LHFPL3: variants seen among roughly 807,000 people sequenced by gnomAD.
LHFPL3 encodes LHFPL tetraspan subfamily member 3 protein.
A neutral mutation model predicts 19.3 loss-of-function variants in LHFPL3; 5 were observed. The observed-to-expected ratio is 0.26, with a 90% CI of 0.14 to 0.54. The LOEUF (loss-of-function observed/expected upper bound fraction) is 0.54, where lower values mean the gene tolerates loss of function less well. Among genes scored for constraint, LHFPL3 ranks in the 20% least tolerant of loss-of-function variants. The pLI, the probability that LHFPL3 is intolerant of heterozygous loss-of-function variation, is 0.94. For synonymous variants in LHFPL3, 133 were observed against 126.2 expected (o/e 1.05, Z -0.36); for missense variants, 249 against 307.4 (o/e 0.81, Z 1.42).
chr7:104,673,984 C>A (rs1232879235), intron 1 of LHFPL3, among the ~76,000 whole-genome samples: 3 of 147,226 alleles, frequency 2.0e-5, no homozygotes, highest in Non-Finnish European at 4.5e-5. Context: ...ATGTTCAGAC[C>A]CTTGGTGAAA....
chr7:104,814,980 G>A (rs1463736709), intron 2 of LHFPL3, among the ~76,000 whole-genome samples: 1 of 152,150 alleles, frequency 6.6e-6, no homozygotes, highest in Non-Finnish European at 1.5e-5. Flanking sequence ...TGCAGTTTGG[G>A]GCAGCTGCAG....
At chr7:104,870,907 C>G (rs1000338606) in intron 2 of LHFPL3, among the ~76,000 whole-genome samples, 1 of 152,130 alleles carries the variant, frequency 6.6e-6, no homozygotes, top group African/African-American at 2.4e-5. Flanking sequence ...ACCTCTCATC[C>G]TCACCTAAGC....
intron 1 of LHFPL3, among the ~76,000 whole-genome samples, chr7:104,465,088 G>C (rs537245750): frequency 6.6e-6 from 1 of 152,252 alleles, no homozygotes; most frequent in African/African-American, 2.4e-5. Flanking sequence ...GGGGCAAAAT[G>C]CCACCAGTCT....
At chr7:104,563,404 G>C (rs201756532) in intron 1 of LHFPL3, among the ~76,000 whole-genome samples, 1 of 152,236 alleles carries the variant, frequency 6.6e-6, no homozygotes, top group African/African-American at 2.4e-5. Flanking sequence ...TTTTAAGCCC[G>C]TCGGAAAAGC....
At chr7:104,402,088 T>TAAAAAAAAAAA in intron 1 of LHFPL3, among the ~76,000 whole-genome samples, 1 of 132,366 alleles carries the variant, frequency 7.6e-6, no homozygotes, top group South Asian at 2.5e-4. Flanking sequence ...CCGTATAAAC[T>TAAAAAAAAAAA]AAAAAAAAAA....
intron 2 of LHFPL3, among the ~76,000 whole-genome samples, chr7:104,740,443 T>C (rs1174300398): frequency 1.3e-5 from 2 of 152,256 alleles, no homozygotes; most frequent in African/African-American, 4.8e-5. Context: ...TTGTAATTAA[T>C]GCAGCAACAC....
chr7:104,887,625 G>A (rs1584599080), intron 2 of LHFPL3, among the ~76,000 whole-genome samples: 1 of 152,200 alleles, frequency 6.6e-6, no homozygotes, highest in Non-Finnish European at 1.5e-5. Context: ...GCAAAAAGAC[G>A]CAGAGGCTGG....
intron 1 of LHFPL3, among the ~76,000 whole-genome samples, chr7:104,441,932 C>T (rs559944463): frequency 1.3e-5 from 2 of 152,208 alleles, no homozygotes; most frequent in Admixed American, 6.5e-5. Flanking sequence ...CTGGAACATA[C>T]GTCAGTTATA....
intron 2 of LHFPL3, among the ~76,000 whole-genome samples, chr7:104,821,202 G>GT (rs762408336): frequency 6.6e-6 from 1 of 152,170 alleles, no homozygotes; most frequent in Non-Finnish European, 1.5e-5. Context: ...TATTTCATGG[G>GT]TTTTCACAAG....
intron 1 of LHFPL3, among the ~76,000 whole-genome samples, chr7:104,397,512 A>AC (rs549927178): frequency 3.3e-5 from 5 of 152,120 alleles, no homozygotes; most frequent in Non-Finnish European, 5.9e-5. Context: ...GAAACATGTA[A>AC]CTGTTGGTCA....
chr7:104,360,182 G>A (rs188142871), intron 1 of LHFPL3, among the ~76,000 whole-genome samples: 4 of 152,322 alleles, frequency 2.6e-5, no homozygotes, highest in East Asian at 1.9e-4. Flanking sequence ...GGGAAGCCAC[G>A]CAGTAGGAAG....
At chr7:104,829,514 T>C (rs532104524) in intron 2 of LHFPL3, among the ~76,000 whole-genome samples, 3 of 151,690 alleles carry the variant, frequency 2.0e-5, no homozygotes, top group African/African-American at 7.3e-5. Flanking sequence ...CGGAGTGTGA[T>C]GTTCCCCTTC....
intron 2 of LHFPL3, among the ~76,000 whole-genome samples, chr7:104,841,801 G>C (rs1183670140): frequency 1.3e-5 from 2 of 152,022 alleles, no homozygotes; most frequent in Non-Finnish European, 1.5e-5. Flanking sequence ...AGAGAGTAGG[G>C]CATGTTATAC....
intron 1 of LHFPL3, chr7:104,667,685 C>A: frequency 8.5e-7 from 1 of 1,177,128 alleles, no homozygotes. Context: ...TGCCATTATA[C>A]ATGCAATTTA....
chr7:104,361,452 G>T (rs1286433822), intron 1 of LHFPL3, among the ~76,000 whole-genome samples: 1 of 152,174 alleles, frequency 6.6e-6, no homozygotes, highest in Non-Finnish European at 1.5e-5. Context: ...TTTTGGTAAA[G>T]AAGCTTTAAT....
chr7:104,455,116 A>G (rs1792514857), intron 1 of LHFPL3, among the ~76,000 whole-genome samples: 1 of 152,160 alleles, frequency 6.6e-6, no homozygotes, highest in Admixed American at 6.5e-5. Context: ...ATGGATTGCA[A>G]CTTTTCACTT....
intron 1 of LHFPL3, among the ~76,000 whole-genome samples, chr7:104,608,063 T>A (rs947294200): frequency 1.3e-5 from 2 of 152,154 alleles, no homozygotes; most frequent in African/African-American, 4.8e-5. Context: ...GTAAACTAGT[T>A]CAACCATTGT....
intron 1 of LHFPL3, among the ~76,000 whole-genome samples, chr7:104,651,658 T>A (rs1225406260): frequency 6.6e-6 from 1 of 152,236 alleles, no homozygotes; most frequent in Admixed American, 6.5e-5. Flanking sequence ...TTGAGCCAGG[T>A]ATTCTCACTT....
rs891946918 is a variant in LHFPL3, at chr7:104,476,236, C to G, written c.445+147012C>G. Among the ~76,000 whole-genome samples, 6 of 152,138 alleles carry G rather than the reference C, an allele frequency of 3.9e-5. No homozygotes were observed. The East Asian group carries it at 7.7e-4, about 20-fold the overall frequency. On this transcript the variant is annotated intron_variant, in intron 1 of 2. Coordinates refer to ENST00000424859, the MANE Select transcript of LHFPL3 (RefSeq NM_199000.3). ...GGTTTTCCGACTTGAAGATACCACACAAAAGATGTAAAATAGCAAAATAAT... is the reference window on the plus strand; with the variant it reads ...GGTTTTCCGACTTGAAGATACCACAGAAAAGATGTAAAATAGCAAAATAAT...
Sources: gnomAD v4.1 joint callset for allele counts (sites outside exome capture counted in the v4.1 genomes callset) on GRCh38, gnomAD v4.1.1 for gene constraint, MANE v1.5 for transcripts, NCBI Gene and HGNC (gene_info 2026-07-23, HGNC 2026-07-21) for gene names.